IFNGR1: variants seen among roughly 807,000 people sequenced by gnomAD.
IFNGR1 encodes AVP, type 2.
A neutral mutation model predicts 35.4 loss-of-function variants in IFNGR1; 23 were observed. The ratio of observed to expected loss-of-function variants is 0.65; its 90% confidence interval spans 0.47 to 0.92. The LOEUF (loss-of-function observed/expected upper bound fraction) is 0.92, where lower values mean the gene tolerates loss of function less well. Among genes scored for constraint, IFNGR1 ranks in the 40% least tolerant of loss-of-function variants. IFNGR1 has a pLI of 0.00. For missense variants in IFNGR1, 533 were observed against 583.4 expected (o/e 0.91, Z 0.89); for synonymous variants, 199 against 209.5 (o/e 0.95, Z 0.43).
At chr6:137,203,733 GAAAA>G in intron 4 of IFNGR1, 48 bp from the exon 5 acceptor site, 7 of 1,208,318 alleles carry the variant, frequency 5.8e-6, no homozygotes, top group Admixed American at 2.2e-5. Context: ...CTTTTAATCT[GAAAA>G]AAAAAAAAAA....
At chr6:137,201,978 T>C (rs928497952) in intron 5 of IFNGR1, among the ~76,000 whole-genome samples, 1 of 141,388 alleles carries the variant, frequency 7.1e-6, no homozygotes, top group Non-Finnish European at 1.5e-5. Context: ...ATCTTCAGTA[T>C]TTTTTTTTTT....
At chr6:137,204,525 A>G (rs2114480521) in intron 3 of IFNGR1, 21 bp from the exon 4 acceptor site, 1 of 1,585,104 alleles carries the variant, frequency 6.3e-7, no homozygotes. Context: ...AGGAGGAGGA[A>G]GTATAATAAA....
At chr6:137,202,125 G>A (rs1386681423) in intron 5 of IFNGR1, among the ~76,000 whole-genome samples, 1 of 152,114 alleles carries the variant, frequency 6.6e-6, no homozygotes, top group Admixed American at 6.5e-5. Context: ...TTATTACAGG[G>A]TGTGAAAAAA....
At chr6:137,218,773 C>T in intron 1 of IFNGR1, 1 of 350,062 alleles carries the variant, frequency 2.9e-6, no homozygotes, top group South Asian at 2.2e-5. Flanking sequence ...ACCCAGATGA[C>T]ACAGCCTACT....
intron 1 of IFNGR1, among the ~76,000 whole-genome samples, chr6:137,213,832 C>T (rs561096248): frequency 1.9e-4 from 29 of 152,330 alleles, no homozygotes; most frequent in Non-Finnish European, 3.4e-4. Flanking sequence ...CTGAGTCCAT[C>T]CTGTAACCAC....
In IFNGR1 at chr6:137,219,041, G is replaced by A. The variant is rs17175253; in HGVS notation, c.85+202C>T. On this transcript the variant is annotated intron_variant, in intron 1 of 6. Transcript: ENST00000367739. ...GTGGCGGCAACCAGGGAAGAGGCAG[G>A]AGAAAGGCAACCGACGAGTTCAAAC... The A allele has an allele frequency of 6.4e-3, 4,001 of 627,298 alleles. 25 individuals are homozygous for A. Among genetic ancestry groups the A allele is most frequent in the Non-Finnish European group, 8.2e-3 (2,959 of 361,572 alleles). The allele number at this position is 627,298 out of a possible 1,614,324, so 38.9% of individuals were successfully genotyped here.
chr6:137,202,184 T>G (rs1452555570), intron 5 of IFNGR1, among the ~76,000 whole-genome samples: 1 of 152,124 alleles, frequency 6.6e-6, no homozygotes, highest in Non-Finnish European at 1.5e-5. Flanking sequence ...AAACCAACAT[T>G]AGTGCTGTTA....
In IFNGR1 at chr6:137,197,882, T is replaced by C; in HGVS notation, c.*149A>G. 1.0e-6 allele frequency: 1 copy of C among 992,010 alleles called. No individual in the cohort carries two copies. Among genetic ancestry groups the C allele is most frequent in the Non-Finnish European group, 1.5e-6 (1 of 664,686 alleles). 61.5% of individuals were successfully genotyped at this position (992,010 alleles called of 1,614,324 possible). Reference sequence around the variant, plus strand: ...AAGCCAAAAGTGAAAATGCCACACATCCTCTTTACGCTTTCATGTACACTA... The same window carrying C: ...AAGCCAAAAGTGAAAATGCCACACACCCTCTTTACGCTTTCATGTACACTA... On this transcript the variant is annotated 3_prime_UTR_variant, in exon 7 of 7. Coordinates refer to ENST00000367739, the MANE Select transcript of IFNGR1 (RefSeq NM_000416.3).
intron 4 of IFNGR1, 152 bp from the exon 5 acceptor site, chr6:137,203,837 TTTG>T: frequency 1.5e-6 from 1 of 683,126 alleles, no homozygotes; most frequent in South Asian, 1.7e-5. Flanking sequence ...AATAAGTCAA[TTTG>T]TTACTTCAAC....
At chr6:137,200,574 G>T (rs1194850816) in intron 6 of IFNGR1, among the ~76,000 whole-genome samples, 1 of 152,050 alleles carries the variant, frequency 6.6e-6, no homozygotes, top group Non-Finnish European at 1.5e-5. Context: ...CATGGGCTCA[G>T]GTATAAATCT....
chr6:137,198,387 T>A lies in IFNGR1; in HGVS notation c.1114A>T (p.Thr372Ser). The change falls in exon 7 of 7, where the codon ACT becomes TCT. Residue 372 changes from threonine to serine, a missense_variant. Coordinates refer to ENST00000367739, the MANE Select transcript of IFNGR1 (RefSeq NM_000416.3). ...IPDVVPGSHL[T>S]PIERESSSPL... ...GAAGAACTCTCTCTCTCTATTGGAG[T>A]CAGATGGCTGCCCGGGACCACGTCA... 6.2e-7 allele frequency: 1 copy of A among 1,614,048 alleles called. No individual in the cohort carries two copies. The highest frequency in any genetic ancestry group is 8.5e-7 in the Non-Finnish European group (1 of 1,180,020).
At chr6:137,199,417 T>C (rs1311282858) in intron 6 of IFNGR1, among the ~76,000 whole-genome samples, 2 of 119,846 alleles carry the variant, frequency 1.7e-5, no homozygotes, top group African/African-American at 3.1e-5. Flanking sequence ...TAATATATTA[T>C]ATAAACATAT....
intron 6 of IFNGR1, among the ~76,000 whole-genome samples, chr6:137,199,487 ATATAT>A (rs1406053050): frequency 9.7e-5 from 10 of 103,152 alleles, no homozygotes; most frequent in African/African-American, 3.4e-4. Flanking sequence ...ATAATTTATA[ATATAT>A]TATATAAAAT....
intron 5 of IFNGR1, among the ~76,000 whole-genome samples, chr6:137,202,271 G>A (rs1189155991): frequency 1.3e-5 from 2 of 152,236 alleles, no homozygotes; most frequent in African/African-American, 4.8e-5. Context: ...AGGAGCCACG[G>A]CAATGCCACC....
chr6:137,197,751 C>A lies in IFNGR1; in HGVS notation c.*280G>T. On this transcript the variant is annotated 3_prime_UTR_variant, in exon 7 of 7. Coordinates refer to ENST00000367739, the MANE Select transcript of IFNGR1 (RefSeq NM_000416.3). The stretch of plus-strand genomic sequence containing the variant: ...GGGCATCACCTGCTCACCTAGGAAC[C>A]AGGAGTACTGGATACTGTTCCGTTA... 2.8e-6 allele frequency: 1 copy of A among 353,030 alleles called. No homozygotes were observed. The highest frequency in any genetic ancestry group is 2.8e-5 in the South Asian group (1 of 36,240). The allele number at this position is 353,030 out of a possible 1,614,324, so 21.9% of individuals were successfully genotyped here. A position where few individuals can be genotyped will look rare whatever the true frequency, so the allele number is the denominator to read the frequency against.
chr6:137,198,917 G>A (rs1292492219), intron 6 of IFNGR1, among the ~76,000 whole-genome samples: 1 of 152,150 alleles, frequency 6.6e-6, no homozygotes, highest in African/African-American at 2.4e-5. Flanking sequence ...TTGGACTGAA[G>A]GATACAAAGT....
intron 1 of IFNGR1, among the ~76,000 whole-genome samples, chr6:137,207,971 C>A (rs2114493756): frequency 6.6e-6 from 1 of 152,214 alleles, no homozygotes; most frequent in African/African-American, 2.4e-5. Context: ...AATGGCTTTG[C>A]CCAAAATGCT....
chr6:137,200,071 TC>T (rs1251551827), intron 6 of IFNGR1, among the ~76,000 whole-genome samples: 2 of 152,174 alleles, frequency 1.3e-5, no homozygotes, highest in African/African-American at 4.8e-5. Context: ...GTTTCTTTTT[TC>T]TTCTCTAGCG....
chr6:137,217,221 TTG>T (rs1485275375), intron 1 of IFNGR1, among the ~76,000 whole-genome samples: 2 of 152,246 alleles, frequency 1.3e-5, no homozygotes, highest in African/African-American at 2.4e-5. Context: ...CTAATGGGCC[TTG>T]TGTTTACCCT....
Sources: gnomAD v4.1 joint callset for allele counts (sites outside exome capture counted in the v4.1 genomes callset) on GRCh38, gnomAD v4.1.1 for gene constraint, MANE v1.5 for transcripts, NCBI Gene and HGNC (gene_info 2026-07-23, HGNC 2026-07-21) for gene names.